Variants in RSRC1 observed in about 807,000 individuals in gnomAD.
The protein encoded by RSRC1 is serine/Arginine-related protein 53.
Under a neutral mutation model 49.1 loss-of-function variants are expected in RSRC1, and 39 were observed. The ratio of observed to expected loss-of-function variants is 0.79; its 90% CI spans 0.61 to 1.04. The LOEUF is 1.04. Among genes scored for constraint, RSRC1 ranks in the 50% least tolerant of loss-of-function variants. The pLI is 0.00. For missense variants in RSRC1, 388 were observed against 402.4 expected (o/e 0.96, Z 0.31); for synonymous variants, 143 against 130.8 (o/e 1.09, Z -0.63).
chr3:158,469,470 A>T (rs1046781963), intron 7 of RSRC1: 2 of 374,228 alleles, frequency 5.3e-6, no homozygotes, highest in Non-Finnish European at 1.0e-5. Flanking sequence ...GCAAAGTCTT[A>T]TACTATACTT....
intron 5 of RSRC1, among the ~76,000 whole-genome samples, chr3:158,350,640 T>A (rs746215307): frequency 1.3e-5 from 2 of 152,100 alleles, no homozygotes; most frequent in African/African-American, 4.8e-5. Context: ...ATGGAATACA[T>A]TTTTTTCTCA....
At chr3:158,314,971 G>T (rs922967487) in intron 5 of RSRC1, among the ~76,000 whole-genome samples, 2 of 151,624 alleles carry the variant, frequency 1.3e-5, no homozygotes, top group African/African-American at 2.4e-5. Context: ...GGCAGAGGTT[G>T]CCGTGAGCCA....
At chr3:158,316,378 G>T (rs1241615414) in intron 5 of RSRC1, among the ~76,000 whole-genome samples, 3 of 149,346 alleles carry the variant, frequency 2.0e-5, no homozygotes, top group Non-Finnish European at 4.4e-5. Context: ...TACTCTGTTT[G>T]CTGTGATATG....
chr3:158,479,659 C>T (rs1738530237), intron 7 of RSRC1, among the ~76,000 whole-genome samples: 1 of 151,970 alleles, frequency 6.6e-6, no homozygotes, highest in Admixed American at 6.6e-5. Flanking sequence ...GGAATAGTTA[C>T]TTTCAATATT....
intron 5 of RSRC1, among the ~76,000 whole-genome samples, chr3:158,326,590 A>T (rs1729163467): frequency 1.3e-5 from 2 of 152,146 alleles, no homozygotes; most frequent in South Asian, 4.1e-4. Flanking sequence ...CAACTAGATC[A>T]TGGTGGATAA....
At chr3:158,495,989 A>G (rs1314880262) in intron 7 of RSRC1, among the ~76,000 whole-genome samples, 1 of 152,236 alleles carries the variant, frequency 6.6e-6, no homozygotes, top group South Asian at 2.1e-4. Flanking sequence ...CTATATATAC[A>G]TACACACATA....
At chr3:158,319,819 A>G (rs908808877) in intron 5 of RSRC1, among the ~76,000 whole-genome samples, 19 of 152,182 alleles carry the variant, frequency 1.2e-4, no homozygotes, top group African/African-American at 4.3e-4. Context: ...ACAGGAAGTG[A>G]ATTCCTGGTT....
chr3:158,144,873 C>T (rs1264978348), intron 3 of RSRC1, among the ~76,000 whole-genome samples: 2 of 152,202 alleles, frequency 1.3e-5, no homozygotes, highest in East Asian at 3.8e-4. Flanking sequence ...ATTTGCCTTT[C>T]TCTGATGGCC....
At chr3:158,254,365 A>G (rs1724407323) in intron 4 of RSRC1, among the ~76,000 whole-genome samples, 1 of 152,210 alleles carries the variant, frequency 6.6e-6, no homozygotes, top group Admixed American at 6.5e-5. Flanking sequence ...TGGTTGAACT[A>G]ATTTACACTC....
chr3:158,296,455 A>T (rs112494254), intron 4 of RSRC1, among the ~76,000 whole-genome samples: 1 of 151,830 alleles, frequency 6.6e-6, no homozygotes, highest in Non-Finnish European at 1.5e-5. Flanking sequence ...GTGTGCATGC[A>T]TGTGCACACA....
intron 7 of RSRC1, among the ~76,000 whole-genome samples, chr3:158,479,705 A>C (rs182491495): frequency 2.6e-5 from 4 of 152,156 alleles, no homozygotes; most frequent in Non-Finnish European, 5.9e-5. Context: ...ATGTCACTAC[A>C]CTAAACTAAC....
intron 5 of RSRC1, among the ~76,000 whole-genome samples, chr3:158,313,889 T>C (rs925047717): frequency 2.1e-4 from 32 of 152,378 alleles, no homozygotes; most frequent in African/African-American, 7.7e-4. Context: ...TAATTAGTAC[T>C]TTGTGATTTA....
At chr3:158,501,857 G>A (rs1400671173) in intron 7 of RSRC1, among the ~76,000 whole-genome samples, 2 of 152,184 alleles carry the variant, frequency 1.3e-5, no homozygotes, top group Non-Finnish European at 2.9e-5. Context: ...TTCAATGTTA[G>A]TATTGAGATG....
intron 4 of RSRC1, among the ~76,000 whole-genome samples, chr3:158,221,836 T>C (rs1360933515): frequency 6.6e-6 from 1 of 151,544 alleles, no homozygotes; most frequent in Non-Finnish European, 1.5e-5. Flanking sequence ...TCATACTTAA[T>C]TTTTTTAAAA....
At chr3:158,381,340 C>G (rs1038395478) in intron 6 of RSRC1, among the ~76,000 whole-genome samples, 2 of 152,200 alleles carry the variant, frequency 1.3e-5, no homozygotes, top group African/African-American at 4.8e-5. Context: ...TTACATGTAT[C>G]TGCTTCAAAT....
chr3:158,204,108 T>A (rs1721220487), intron 4 of RSRC1, among the ~76,000 whole-genome samples: 1 of 152,178 alleles, frequency 6.6e-6, no homozygotes, highest in African/African-American at 2.4e-5. Context: ...ATGTATTAGT[T>A]TTCCATGTTG....
At position 158,248,932 on chromosome 3, in the gene RSRC1, C is replaced by G. The variant is rs556556721; in HGVS notation, c.494+45687C>G. Among the ~76,000 whole-genome samples, 31 of 152,196 alleles carry G rather than the reference C, an allele frequency of 2.0e-4. No homozygotes were observed. The South Asian group carries it at 6.4e-3, about 32-fold the overall frequency. On this transcript the variant is annotated intron_variant, in intron 4 of 9. Transcript: ENST00000611884. The stretch of plus-strand genomic sequence containing the variant: ...GTACATTGACAGGTGTCAGGTTGCT[C>G]CATATACTTACCAATAGTTGGTATT...
intron 5 of RSRC1, among the ~76,000 whole-genome samples, chr3:158,299,986 C>A (rs1241795481): frequency 6.6e-6 from 1 of 152,128 alleles, no homozygotes; most frequent in Non-Finnish European, 1.5e-5. Context: ...AGAAAGAGTA[C>A]TCTGGCTAAA....
intron 6 of RSRC1, among the ~76,000 whole-genome samples, chr3:158,401,013 C>G (rs1274881724): frequency 6.6e-6 from 1 of 151,920 alleles, no homozygotes; most frequent in Non-Finnish European, 1.5e-5. Context: ...TTTAGATACA[C>G]AAATACTAAA....
Sources: gnomAD v4.1 joint callset for allele counts (sites outside exome capture counted in the v4.1 genomes callset) on GRCh38, gnomAD v4.1.1 for gene constraint, MANE v1.5 for transcripts, NCBI Gene and HGNC (gene_info 2026-07-23, HGNC 2026-07-21) for gene names.